TTLL11: variants seen among roughly 807,000 people sequenced by gnomAD.
TTLL11 encodes tubulin polyglutamylase TTLL11.
In TTLL11, 42 loss-of-function variants were observed where a neutral mutation model predicts 51.7. The ratio of observed to expected loss-of-function variants is 0.81; its 90% CI spans 0.64 to 1.05. TTLL11 has a LOEUF of 1.05. Ranked by LOEUF, TTLL11 falls within the 50% of genes least tolerant of loss-of-function variation. TTLL11 has a pLI of 0.00. For missense variants in TTLL11, 799 were observed against 940.4 expected, an observed-to-expected ratio of 0.85 and a Z score of 1.97; for synonymous variants, 381 against 383.5, an observed-to-expected ratio of 0.99 and a Z score of 0.08.
intron 8 of TTLL11, among the ~76,000 whole-genome samples, chr9:121,830,097 ATAGAATGTGAACC>A (rs148621571): frequency 0.017 from 2,597 of 152,320 alleles, 61 homozygotes; most frequent in African/African-American, 0.059. Flanking sequence ...AATCCACTGA[ATAGAATGTGAACC>A]TTGTAACAGT....
rs749049096 is a variant in TTLL11 at position 121,890,626 on chromosome 9, ATT to A, written c.1482-19880_1482-19879del. Among the ~76,000 whole-genome samples, 8 of 152,044 alleles carry A rather than the reference ATT, an allele frequency of 5.3e-5. No individual in the cohort carries two copies. The highest frequency in any genetic ancestry group is 1.0e-4 in the Non-Finnish European group (7 of 68,010). On this transcript the variant is annotated intron_variant, in intron 6 of 8. Coordinates refer to ENST00000321582, the MANE Select transcript of TTLL11 (RefSeq NM_001139442.2). The surrounding 1 kb of genome is among the most constrained non-coding windows in gnomAD (Gnocchi z 4.3). ...ATCACAGTATAGATTTTACTCATTT[ATT>A]TTGTTTATTTTCCATCTCCTGTCCT...
At chr9:121,947,526 A>G (rs1014581631) in intron 6 of TTLL11, among the ~76,000 whole-genome samples, 1 of 152,238 alleles carries the variant, frequency 6.6e-6, no homozygotes, top group Non-Finnish European at 1.5e-5. Flanking sequence ...GTACAGATGC[A>G]TTCTGCATGC....
intron 6 of TTLL11, among the ~76,000 whole-genome samples, chr9:121,972,494 T>A (rs989233438): frequency 9.2e-5 from 14 of 152,246 alleles, no homozygotes; most frequent in Non-Finnish European, 4.4e-5. Context: ...CCTGGTGGGA[T>A]TGGCCCATGC....
At chr9:122,031,653 C>G in intron 3 of TTLL11, 70 bp downstream of exon 3, 1 of 1,551,954 alleles carries the variant, frequency 6.4e-7, no homozygotes, top group Admixed American at 1.8e-5. Context: ...CAGCTCCCAG[C>G]ACACAGGACC....
Position 121,973,636 on chromosome 9 carries a change from T to C in TTLL11, c.1481+373A>G, listed in dbSNP as rs560282768. ...GAAGGACAGCATTAGGAGATATACC[T>C]AATGTTAAATGACGAGTTAATGGGT... On this transcript the variant is annotated intron_variant, in intron 6 of 8. Transcript: ENST00000321582. 9.3e-4 allele frequency among the ~76,000 whole-genome samples: 141 copies of C among 152,196 alleles called. 1 individual carries two copies. Among genetic ancestry groups the C allele is most frequent in the Middle Eastern group, 6.8e-3 (2 of 292 alleles).
intron 6 of TTLL11, among the ~76,000 whole-genome samples, chr9:121,882,609 G>A (rs151177480): frequency 1.1e-4 from 17 of 152,166 alleles, no homozygotes; most frequent in African/African-American, 3.6e-4. Flanking sequence ...CTAAGTCCCT[G>A]TCCTTGACCT....
At position 121,989,208 on chromosome 9, in the gene TTLL11, G is replaced by C; in HGVS notation, c.1256C>G (p.Pro419Arg). The change falls in exon 4 of 9, where the codon CCC (proline) becomes CGC (arginine). Residue 419 changes from proline to arginine, a missense_variant. By Grantham distance (103) the Pro-to-Arg change is moderately radical (BLOSUM62 -2). Transcript: ENST00000321582. The surrounding 1 kb of genome is among the most constrained non-coding windows in gnomAD (Gnocchi z 4.2). ...GGCAATGGTTACCTGGAAGCACGTG[G>C]GGCCCGGCCTCCCCGTGGGGATGTC... ...QSDIPTGRPG[P>R]TCFQILGFDI... The C allele has an allele frequency of 8.1e-6, 13 of 1,613,856 alleles. No homozygotes were observed. Among genetic ancestry groups the C allele is most frequent in the Non-Finnish European group, 1.0e-5 (12 of 1,179,770 alleles).
chr9:122,001,424 G>A lies in TTLL11; in HGVS notation c.694-11654C>T, dbSNP rs60047327. ...CAGCTGCAACACTGTTCTTAATAAT[G>A]TTACAAATAAGGATCTGAGACTGAG... On this transcript the variant is annotated intron_variant, in intron 3 of 8. Coordinates refer to ENST00000321582, the MANE Select transcript of TTLL11 (RefSeq NM_001139442.2). Among the ~76,000 whole-genome samples the A allele has an allele frequency of 1.8e-3, 273 of 149,224 alleles. 2 individuals are homozygous for A. Among genetic ancestry groups the A allele is most frequent in the African/African-American group, 6.5e-3 (265 of 40,824 alleles).
At chr9:121,936,457 T>A (rs2131567502) in intron 6 of TTLL11, among the ~76,000 whole-genome samples, 1 of 152,174 alleles carries the variant, frequency 6.6e-6, no homozygotes, top group South Asian at 2.1e-4. Flanking sequence ...TCAAGCTGGA[T>A]TGCAGAAAGA....
chr9:121,919,067 A>G (rs978302447), intron 6 of TTLL11, among the ~76,000 whole-genome samples: 3 of 152,242 alleles, frequency 2.0e-5, no homozygotes, highest in Admixed American at 6.5e-5. Context: ...CAACACACTG[A>G]GCAGTGCTCT....
intron 6 of TTLL11, among the ~76,000 whole-genome samples, chr9:121,957,343 A>G (rs1056245238): frequency 1.3e-5 from 2 of 152,110 alleles, no homozygotes; most frequent in African/African-American, 2.4e-5. Context: ...AGACTTGATC[A>G]TTTGAGCTGC....
intron 8 of TTLL11, among the ~76,000 whole-genome samples, chr9:121,839,737 G>A (rs1203112275): frequency 6.6e-6 from 1 of 151,190 alleles, no homozygotes; most frequent in African/African-American, 2.5e-5. Context: ...CCATCCCCCC[G>A]ACTGTCCAGC....
chr9:122,015,807 C>CAAAAAAAAAAA (rs11297849), intron 3 of TTLL11, among the ~76,000 whole-genome samples: 7 of 94,470 alleles, frequency 7.4e-5, no homozygotes, highest in Non-Finnish European at 9.0e-5. Context: ...TCAAAAGAGA[C>CAAAAAAAAAAA]AAAAAAAAAA....
intron 6 of TTLL11, among the ~76,000 whole-genome samples, chr9:121,876,584 G>A (rs1737931063): frequency 6.6e-6 from 1 of 152,236 alleles, no homozygotes; most frequent in Non-Finnish European, 1.5e-5. Flanking sequence ...CTTGGACTTA[G>A]TAGTGTAGGG....
chr9:121,944,897 C>T (rs1319039667), intron 6 of TTLL11, among the ~76,000 whole-genome samples: 2 of 152,170 alleles, frequency 1.3e-5, no homozygotes, highest in African/African-American at 4.8e-5. Context: ...CCACACTGCT[C>T]TGGGCACCAT....
intron 3 of TTLL11, among the ~76,000 whole-genome samples, chr9:122,029,169 A>C (rs138988977): frequency 1.3e-5 from 2 of 152,222 alleles, no homozygotes; most frequent in African/African-American, 4.8e-5. Context: ...ACAATTATGC[A>C]CTGTACAGAA....
At position 121,989,782 on chromosome 9, in the gene TTLL11, A is replaced by T. The variant is rs201153712; in HGVS notation, c.694-12T>A. ...TTCACCATTTGAACCTGGAGGGGGA[A>T]AAAAGGATGGCCGACATTATATTGT... On this transcript the variant is annotated splice_polypyrimidine_tract_variant and intron_variant, in intron 3 of 8. Coordinates refer to ENST00000321582, the MANE Select transcript of TTLL11 (RefSeq NM_001139442.2). The surrounding 1 kb of genome is among the most constrained non-coding windows in gnomAD (Gnocchi z 4.2). 2.1e-5 allele frequency: 33 copies of T among 1,578,280 alleles called. No individual in the cohort carries two copies. In the Admixed American group the frequency reaches 3.2e-4, roughly 15 times the overall value.
chr9:122,036,136 C>T (rs1844693033), intron 2 of TTLL11, among the ~76,000 whole-genome samples: 1 of 152,122 alleles, frequency 6.6e-6, no homozygotes, highest in African/African-American at 2.4e-5. Context: ...AGCATTCCAG[C>T]TTCCTCCAGC....
chr9:121,940,013 G>A (rs770265024), intron 6 of TTLL11, among the ~76,000 whole-genome samples: 7 of 152,102 alleles, frequency 4.6e-5, no homozygotes, highest in Admixed American at 6.6e-5. Context: ...GCCGAGAAAG[G>A]ACAAATGTCT....
Sources: allele counts gnomAD v4.1 joint callset (sites outside exome capture counted in the v4.1 genomes callset), GRCh38; gene constraint gnomAD v4.1.1; non-coding constraint Gnocchi (gnomAD v3.1); transcripts MANE v1.5; gene names NCBI Gene and HGNC (gene_info 2026-07-23, HGNC 2026-07-21).